NKX2-2: variants seen among roughly 807,000 people sequenced by gnomAD.
NKX2-2 encodes the protein homeobox protein Nkx-2.2.
In NKX2-2, 8 loss-of-function variants were observed where a neutral mutation model predicts 24.6. The observed-to-expected ratio is 0.32, with a 90% CI of 0.19 to 0.59. The LOEUF (loss-of-function observed/expected upper bound fraction) is 0.59. Among genes scored for constraint, NKX2-2 ranks in the 20% least tolerant of loss-of-function variants. The pLI, the probability that NKX2-2 is intolerant of heterozygous loss-of-function variation, is 0.86. For synonymous variants in NKX2-2, 217 were observed against 173.3 expected (o/e 1.25, Z -1.98); for missense variants, 381 against 373.9 (o/e 1.02, Z -0.16).
chr20:21,516,495 A>G (rs1288456731), upstream of NKX2-2, among the ~76,000 whole-genome samples: 1 of 151,386 alleles, frequency 6.6e-6, no homozygotes, highest in Non-Finnish European at 1.5e-5. Context: ...GGAGGAGGGA[A>G]GTTGGTTCTC....
chr20:21,512,070 G>T lies in NKX2-2; in HGVS notation c.675C>A (p.Ala225=), dbSNP rs747237549. 5 of 1,613,704 alleles carry T rather than the reference G, an allele frequency of 3.1e-6. No homozygotes were observed. The highest frequency in any genetic ancestry group is 4.2e-6 in the Non-Finnish European group (5 of 1,179,956). ...CHALKAQDLA[A]ATFQAGIPFS... ...AGGGAATGCCCGCCTGGAAGGTGGC[G>T]GCTGCCAGGTCCTGGGCTTTGAGCG... Residue 225 remains alanine, a synonymous_variant, in exon 2 of 2, where the codon GCC becomes GCA. Transcript: ENST00000377142.
upstream of NKX2-2, among the ~76,000 whole-genome samples, chr20:21,518,294 A>T (rs1980690243): frequency 6.6e-6 from 1 of 151,606 alleles, no homozygotes; most frequent in Non-Finnish European, 1.5e-5. Context: ...GATCTTTATT[A>T]TCAGCATTGG....
At chr20:21,516,324 C>A (rs941986547), upstream of NKX2-2, among the ~76,000 whole-genome samples, 2 of 151,892 alleles carry the variant, frequency 1.3e-5, no homozygotes, top group African/African-American at 2.4e-5. Context: ...TCCTTCCCCC[C>A]TTTTTTCCCC....
chr20:21,512,856 T>C (rs1207514011), intron 1 of NKX2-2, among the ~76,000 whole-genome samples: 4 of 152,160 alleles, frequency 2.6e-5, no homozygotes, highest in Admixed American at 2.6e-4. Flanking sequence ...TACCCCACAA[T>C]CCCAGCATTG....
the NKX2-2 span, among the ~76,000 whole-genome samples, chr20:21,520,099 C>T: frequency 6.6e-6 from 1 of 152,078 alleles, no homozygotes; most frequent in Admixed American, 6.5e-5. Flanking sequence ...ACAATCCTCC[C>T]AAGTCAACTA....
upstream of NKX2-2, among the ~76,000 whole-genome samples, chr20:21,514,701 G>T (rs1050535666): frequency 1.6e-4 from 24 of 152,298 alleles, no homozygotes; most frequent in African/African-American, 5.3e-4. Context: ...CCTTTCCATC[G>T]TTGGTGGTTG....
chr20:21,516,259 G>A (rs1448010630), upstream of NKX2-2, among the ~76,000 whole-genome samples: 1 of 151,934 alleles, frequency 6.6e-6, no homozygotes, highest in African/African-American at 2.4e-5. Flanking sequence ...CCTTCATGTC[G>A]ACGCTCCCCG....
rs1408239186 is a variant in NKX2-2, at chr20:21,513,930, C to T, written c.-261G>A. On this transcript the variant is annotated 5_prime_UTR_variant, in exon 1 of 2. Transcript: ENST00000377142. The surrounding 1 kb of genome is among the most constrained non-coding windows in gnomAD (Gnocchi z 4.6). ...AGCACGCGGAAATGGACGCAGGAAGCCGGGCGGCCTGCGCGCCGAGCGCCG... is the reference window on the plus strand; with the variant it reads ...AGCACGCGGAAATGGACGCAGGAAGTCGGGCGGCCTGCGCGCCGAGCGCCG... The T allele has an allele frequency of 1.1e-5, 3 of 269,992 alleles. No homozygotes were observed. The highest frequency in any genetic ancestry group is 4.4e-5 in the African/African-American group (2 of 45,502). 16.7% of individuals were successfully genotyped at this position (269,992 alleles called of 1,614,324 possible).
intron 1 of NKX2-2, 137 bp from the exon 2 acceptor site, chr20:21,512,622 T>A (rs1181106029): frequency 1.5e-6 from 1 of 674,368 alleles, no homozygotes; most frequent in East Asian, 2.7e-5. Context: ...GCCTTTGCCA[T>A]GACCCCTGCC....
chr20:21,520,962 C>A, the NKX2-2 span, among the ~76,000 whole-genome samples: 2 of 152,120 alleles, frequency 1.3e-5, no homozygotes, highest in Non-Finnish European at 2.9e-5. Context: ...AAAATCATTA[C>A]CACAAGACTT....
upstream of NKX2-2, among the ~76,000 whole-genome samples, chr20:21,516,390 C>A (rs1015454663): frequency 7.4e-6 from 1 of 134,958 alleles, no homozygotes; most frequent in African/African-American, 2.8e-5. Context: ...ACTTTTCGTG[C>A]TTTTTTTTTT....
the NKX2-2 span, among the ~76,000 whole-genome samples, chr20:21,522,057 A>C: frequency 5.9e-5 from 9 of 152,164 alleles, no homozygotes; most frequent in Non-Finnish European, 1.3e-4. Flanking sequence ...ACCGCACCGG[A>C]AAGTGCGCAG....
In NKX2-2 at chr20:21,512,500, A is replaced by G. The variant is rs1341845974; in HGVS notation, c.260-15T>C. 2.0e-6 allele frequency: 3 copies of G among 1,529,332 alleles called. No homozygotes were observed. The highest frequency in any genetic ancestry group is 2.0e-5 in the Admixed American group (1 of 50,736). 94.7% of individuals were successfully genotyped at this position (1,529,332 alleles called of 1,614,324 possible). A position where few individuals can be genotyped will look rare whatever the true frequency, so the allele number is the denominator to read the frequency against. ...CAGACCGTGCACTGGGGGGAGGGGG[A>G]GAGAGAAGCGCGTCAGGCGTCTGGA... is the stretch of plus-strand genomic sequence containing the variant. On this transcript the variant is annotated splice_polypyrimidine_tract_variant and intron_variant, in intron 1 of 1. Coordinates refer to ENST00000377142, the MANE Select transcript of NKX2-2 (RefSeq NM_002509.4).
chr20:21,511,995 C>A lies in NKX2-2; in HGVS notation c.750G>T (p.Gln250His). The change falls in exon 2 of 2, where the codon CAG (glutamine) becomes CAT (histidine). Residue 250 changes from glutamine to histidine, a missense_variant. By Grantham distance (24) the Gln-to-His change is conservative. Around this residue, in one of 3 missense-constraint regions of NKX2-2, gnomAD observed 139 missense variants for 121.7 expected, o/e 1.14. Transcript: ENST00000377142. ...ACTGGGGGGTGCTGGCCGAGCTGTA[C>A]TGGGCGTTGTACTGCATGTGCTGCA... is the stretch of plus-strand genomic sequence containing the variant. ...QSLQHMQYNA[Q>H]YSSASTPQYP... 6.2e-7 allele frequency: 1 copy of A among 1,613,168 alleles called. No individual in the cohort carries two copies. Among genetic ancestry groups the A allele is most frequent in the African/African-American group, 1.3e-5 (1 of 75,024 alleles).
the NKX2-2 span, among the ~76,000 whole-genome samples, chr20:21,521,267 G>GAGCT: frequency 6.6e-6 from 1 of 152,054 alleles, no homozygotes; most frequent in Admixed American, 6.5e-5. Context: ...GGCGCCAGAG[G>GAGCT]AGCTCCAAAG....
chr20:21,515,271 G>C (rs1034741046), upstream of NKX2-2, among the ~76,000 whole-genome samples: 1 of 151,884 alleles, frequency 6.6e-6, no homozygotes. Context: ...GATTGCGGGG[G>C]TGGGGGTGGG....
In NKX2-2 at chr20:21,512,348, C is replaced by A; in HGVS notation, c.397G>T (p.Val133Leu). The change falls in exon 2 of 2, where the codon GTG becomes TTG. Residue 133 changes from valine to leucine, a missense_variant. This residue lies in a region of NKX2-2 where 36 missense variants were observed against 79.2 expected (regional missense o/e 0.45). Transcript: ENST00000377142. ...TAGGTCTGCGCCTTGGAGAAAAGCA[C>A]TCGCCGCTTTCGCTTCTTGCCGGCG... ...GDAGKKRKRR[V>L]LFSKAQTYEL... 6.2e-7 allele frequency: 1 copy of A among 1,611,892 alleles called. No individual in the cohort carries two copies. Among genetic ancestry groups the A allele is most frequent in the Non-Finnish European group, 8.5e-7 (1 of 1,179,280 alleles).
Position 21,513,944 on chromosome 20 carries a change from C to A in NKX2-2, c.-275G>T, listed in dbSNP as rs554918566. On this transcript the variant is annotated 5_prime_UTR_variant, in exon 1 of 2. Coordinates refer to ENST00000377142, the MANE Select transcript of NKX2-2 (RefSeq NM_002509.4). The surrounding 1 kb of genome is among the most constrained non-coding windows in gnomAD (Gnocchi z 4.6). ...GACGCAGGAAGCCGGGCGGCCTGCG[C>A]GCCGAGCGCCGCGGGCCCCGGCCTT... The A allele has an allele frequency of 9.1e-5, 22 of 242,964 alleles. No homozygotes were observed. The South Asian group carries it at 2.7e-3, about 29-fold the overall frequency. The allele number at this position is 242,964 out of a possible 1,614,324, so 15.1% of individuals were successfully genotyped here.
chr20:21,515,601 G>A (rs914569998), upstream of NKX2-2, among the ~76,000 whole-genome samples: 5 of 151,888 alleles, frequency 3.3e-5, no homozygotes, highest in East Asian at 3.9e-4. Context: ...CTTTTTTGGG[G>A]GGGGGGTGCA....
Sources: gnomAD v4.1 joint callset for allele counts (sites outside exome capture counted in the v4.1 genomes callset) on GRCh38, gnomAD v4.1.1 for gene constraint, gnomAD v4.1.1 regional missense constraint, Gnocchi (gnomAD v3.1) non-coding constraint, MANE v1.5 for transcripts, NCBI Gene and HGNC (gene_info 2026-07-23, HGNC 2026-07-21) for gene names.